The following COMMD7 variants were observed in gnomAD, a reference collection of about 807,000 sequenced individuals.
The protein encoded by COMMD7 is COMM domain containing 7, also known as COMM domain-containing protein 7.
Under a neutral mutation model 34.8 loss-of-function variants are expected in COMMD7, and 28 were observed. That is an observed-to-expected ratio of 0.80 (90% CI 0.60 to 1.10). The LOEUF is 1.10. Ranked by LOEUF, COMMD7 falls within the 50% of genes least tolerant of loss-of-function variation. The pLI is 0.00. For missense variants in COMMD7, 211 were observed against 241.6 expected (o/e 0.87, Z 0.84); for synonymous variants, 80 against 86.4 (o/e 0.93, Z 0.41).
At position 32,705,379 on chromosome 20, in the gene COMMD7, T is replaced by A. The variant is rs1007621403; in HGVS notation, c.337-475A>T. Among the ~76,000 whole-genome samples the A allele has an allele frequency of 8.3e-3, 1,227 of 147,720 alleles. 12 individuals carry two copies. Among genetic ancestry groups the A allele is most frequent in the African/African-American group, 0.026 (1,032 of 40,170 alleles). On this transcript the variant is annotated intron_variant, in intron 5 of 8. Transcript: ENST00000278980. ...GTGTGTATATATATATATATATATT[T>A]TTTTTTTTCTTTGAGATGGAGTCTC... is the stretch of plus-strand genomic sequence containing the variant.
chr20:32,740,281 C>T (rs1007347518), intron 1 of COMMD7, among the ~76,000 whole-genome samples: 2 of 148,832 alleles, frequency 1.3e-5, no homozygotes, highest in African/African-American at 2.5e-5. Flanking sequence ...CACGCCACTG[C>T]ACTCCAGCCT....
At position 32,705,616 on chromosome 20, in the gene COMMD7, G is replaced by A. The variant is rs758914090; in HGVS notation, c.337-712C>T. On this transcript the variant is annotated intron_variant, in intron 5 of 8. Coordinates refer to ENST00000278980, the MANE Select transcript of COMMD7 (RefSeq NM_053041.3). The stretch of plus-strand genomic sequence containing the variant: ...TCTCGATCTCCTGACCTCGTGATCC[G>A]CCCGCCTTGGCCTCCCAAAGTGTTG... 8.6e-5 allele frequency among the ~76,000 whole-genome samples: 13 copies of A among 151,930 alleles called. No homozygotes were observed. In the East Asian group the frequency reaches 1.2e-3, roughly 14 times the overall value.
intron 3 of COMMD7, among the ~76,000 whole-genome samples, chr20:32,719,627 G>A (rs1048043296): frequency 4.6e-5 from 7 of 152,046 alleles, no homozygotes; most frequent in Non-Finnish European, 2.9e-5. Context: ...TCCAGACTGG[G>A]CAACAAGAGC....
rs1387669938 is a variant in COMMD7 at position 32,737,379 on chromosome 20, A to AAAAAAAAAAAAAAAAAAAAAAAG, written c.84+5928_84+5929insCTTTTTTTTTTTTTTTTTTTTTT. Reference sequence around the variant, plus strand: ...AGCAAGACTCCGTCTCAAAAAAAAAAGATAAGCCAGGCACGGTGGTACATG... The same window carrying AAAAAAAAAAAAAAAAAAAAAAAG: ...AGCAAGACTCCGTCTCAAAAAAAAAAAAAAAAAAAAAAAAAAAAAAAAGGATAAGCCAGGCACGGTGGTACATG... On this transcript the variant is annotated intron_variant, in intron 1 of 8. Transcript: ENST00000278980. Among the ~76,000 whole-genome samples the AAAAAAAAAAAAAAAAAAAAAAAG allele has an allele frequency of 3.0e-5, 3 of 101,620 alleles. 1 individual carries two copies. Among genetic ancestry groups the AAAAAAAAAAAAAAAAAAAAAAAG allele is most frequent in the Non-Finnish European group, 6.0e-5 (3 of 49,848 alleles). The allele number at this position is 101,620 out of a possible 152,430, so 66.7% of individuals were successfully genotyped here.
At chr20:32,719,973 G>A (rs562889941) in intron 3 of COMMD7, among the ~76,000 whole-genome samples, 6 of 152,116 alleles carry the variant, frequency 3.9e-5, no homozygotes, top group Non-Finnish European at 8.8e-5. Context: ...AGCAAGCACT[G>A]TGTTAAGTAC....
chr20:32,716,541 G>A (rs1193234824), intron 3 of COMMD7, among the ~76,000 whole-genome samples: 5 of 152,200 alleles, frequency 3.3e-5, no homozygotes, highest in Non-Finnish European at 7.3e-5. Context: ...CGTGAACCCG[G>A]GAGGCGGAGC....
intron 3 of COMMD7, among the ~76,000 whole-genome samples, chr20:32,725,685 C>A (rs1473650849): frequency 2.0e-5 from 3 of 152,044 alleles, no homozygotes; most frequent in Non-Finnish European, 4.4e-5. Flanking sequence ...ATCTTGGCCT[C>A]CCAAAGTGCT....
intron 1 of COMMD7, among the ~76,000 whole-genome samples, chr20:32,728,880 T>C (rs995295414): frequency 3.9e-5 from 6 of 152,062 alleles, no homozygotes; most frequent in Non-Finnish European, 5.9e-5. Context: ...TTTTCTTGGG[T>C]TCCCCCCACC....
rs1040756760 is a variant in COMMD7, at chr20:32,703,213, A to C, written c.*169T>G. ...CAGGGTAATTGTGTTGGGCTCTTTCAGTACTTAATCCTGCTGTTTTTCAGA... is the reference window on the plus strand; with the variant it reads ...CAGGGTAATTGTGTTGGGCTCTTTCCGTACTTAATCCTGCTGTTTTTCAGA... On this transcript the variant is annotated 3_prime_UTR_variant, in exon 9 of 9. Coordinates refer to ENST00000278980, the MANE Select transcript of COMMD7 (RefSeq NM_053041.3). 1.1e-5 allele frequency: 6 copies of C among 552,766 alleles called. No homozygotes were observed. Among genetic ancestry groups the C allele is most frequent in the African/African-American group, 9.6e-5 (5 of 52,228 alleles). 34.2% of individuals were successfully genotyped at this position (552,766 alleles called of 1,614,324 possible).
rs192627916 is a variant in COMMD7 at position 32,713,342 on chromosome 20, G to A, written c.242-6582C>T. Among the ~76,000 whole-genome samples, 1,337 of 152,306 alleles carry A rather than the reference G, an allele frequency of 8.8e-3. 10 individuals carry two copies. Among genetic ancestry groups the A allele is most frequent in the Non-Finnish European group, 0.013 (911 of 68,018 alleles). ...TGGGACTACAGGCGTGCGCCAATGC[G>A]CCTGGCAACAGGCACCAATTTTCAC... On this transcript the variant is annotated intron_variant, in intron 3 of 8. Transcript: ENST00000278980.
Position 32,703,252 on chromosome 20 carries a change from T to TGGGCCCCATGGAGCCAGCA in COMMD7, c.*111_*129dup, listed in dbSNP as rs1176614637. 9.3e-6 allele frequency: 7 copies of TGGGCCCCATGGAGCCAGCA among 749,562 alleles called. No individual in the cohort carries two copies. The highest frequency in any genetic ancestry group is 3.7e-5 in the South Asian group (2 of 53,418). The allele number at this position is 749,562 out of a possible 1,614,324, so 46.4% of individuals were successfully genotyped here. A position where few individuals can be genotyped will look rare whatever the true frequency, so the allele number is the denominator to read the frequency against. ...CTGTTTTTCAGAAACCCTTTGCACCTGGGCCCCATGGAGCCAGCAGGGCCC... is the reference window on the plus strand; with the variant it reads ...CTGTTTTTCAGAAACCCTTTGCACCTGGGCCCCATGGAGCCAGCAGGGCCCCATGGAGCCAGCAGGGCCC... On this transcript the variant is annotated 3_prime_UTR_variant, in exon 9 of 9. Transcript: ENST00000278980.
At chr20:32,741,395 GTT>G (rs200988856) in intron 1 of COMMD7, among the ~76,000 whole-genome samples, 2 of 143,270 alleles carry the variant, frequency 1.4e-5, no homozygotes, top group Admixed American at 1.4e-4. Context: ...CTAGAAAGTT[GTT>G]TTTTTTTTTT....
chr20:32,737,379 A>AAAAAAAAAAAG (rs1387669938), intron 1 of COMMD7, among the ~76,000 whole-genome samples: 1 of 101,642 alleles, frequency 9.8e-6, no homozygotes, highest in Non-Finnish European at 2.0e-5. Context: ...CAAAAAAAAA[A>AAAAAAAAAAAG]GATAAGCCAG....
intron 3 of COMMD7, among the ~76,000 whole-genome samples, chr20:32,714,577 G>T (rs559558010): frequency 6.6e-6 from 1 of 151,874 alleles, no homozygotes; most frequent in Non-Finnish European, 1.5e-5. Flanking sequence ...TGTAGTCCCA[G>T]CACCTTGGGA....
At chr20:32,705,813 A>G (rs913387675) in intron 5 of COMMD7, among the ~76,000 whole-genome samples, 2 of 152,236 alleles carry the variant, frequency 1.3e-5, no homozygotes, top group Non-Finnish European at 2.9e-5. Context: ...ATGCGCTTGA[A>G]GCCAGATGAA....
chr20:32,736,933 C>T (rs1986154699), intron 1 of COMMD7, among the ~76,000 whole-genome samples: 1 of 152,098 alleles, frequency 6.6e-6, no homozygotes, highest in Non-Finnish European at 1.5e-5. Context: ...ATAATCCCAG[C>T]ACTTTAGGAG....
intron 3 of COMMD7, among the ~76,000 whole-genome samples, chr20:32,722,963 G>T (rs1012190239): frequency 6.6e-6 from 1 of 151,168 alleles, no homozygotes; most frequent in Non-Finnish European, 1.5e-5. Flanking sequence ...AGCTTGCAGT[G>T]AGCTGAGATC....
At position 32,704,322 on chromosome 20, in the gene COMMD7, G is replaced by T. The variant is rs1013590616; in HGVS notation, c.477+118C>A. 12 of 986,372 alleles carry T rather than the reference G, an allele frequency of 1.2e-5. 1 individual carries two copies. The African/African-American group carries it at 1.8e-4, about 15-fold the overall frequency. The allele number at this position is 986,372 out of a possible 1,614,324, so 61.1% of individuals were successfully genotyped here. A position where few individuals can be genotyped will look rare whatever the true frequency, so the allele number is the denominator to read the frequency against. ...CATCTTTAGCTGGCCACACTGCTCT[G>T]AGATATATAAGGTACTTCAGTAAAA... On this transcript the variant is annotated intron_variant, in intron 7 of 8. Transcript: ENST00000278980.
rs768725936 is a variant in COMMD7 at position 32,704,063 on chromosome 20, C to T, written c.486G>A (p.Leu162=). 2 of 1,597,318 alleles carry T rather than the reference C, an allele frequency of 1.3e-6. No individual in the cohort carries two copies. ...CGGTTTGATTTCCTTTCTTAACCAC[C>T]AACTTTAGCTGATGAAAGAAAAAGA... ...KVGSIFLQLK[L]VVKKGNQTEN... Residue 162 remains leucine (L), a synonymous_variant, in exon 8 of 9, where the codon TTG becomes TTA. Coordinates refer to ENST00000278980, the MANE Select transcript of COMMD7 (RefSeq NM_053041.3).
Sources: allele counts gnomAD v4.1 joint callset (sites outside exome capture counted in the v4.1 genomes callset), GRCh38; gene constraint gnomAD v4.1.1; transcripts MANE v1.5; gene names NCBI Gene and HGNC (gene_info 2026-07-23, HGNC 2026-07-21).